The following RELL1 variants were observed in gnomAD, a reference collection of about 807,000 sequenced individuals.
The protein encoded by RELL1 is RELT-like protein 1.
A neutral mutation model predicts 23.0 loss-of-function variants in RELL1; 10 were observed. The observed-to-expected ratio is 0.43, with a 90% CI of 0.27 to 0.74. The LOEUF (loss-of-function observed/expected upper bound fraction) is 0.74, where lower values mean the gene tolerates loss of function less well. Among genes scored for constraint, RELL1 ranks in the 30% least tolerant of loss-of-function variants. The pLI, the probability that RELL1 is intolerant of heterozygous loss-of-function variation, is 0.19. For missense variants in RELL1, 315 were observed against 364.4 expected, an observed-to-expected ratio of 0.86 and a Z score of 1.10; for synonymous variants, 146 against 146.8, an observed-to-expected ratio of 0.99 and a Z score of 0.04.
intron 6 of RELL1, among the ~76,000 whole-genome samples, chr4:37,596,728 ATATATATATTTTTTTT>A (rs1718863062): frequency 1.2e-4 from 2 of 16,728 alleles, no homozygotes; most frequent in African/African-American, 1.6e-4. Flanking sequence ...ATATATATAT[ATATATATATTTTTTTT>A]TTTTTTTTTT....
chr4:37,614,762 CTGTT>C (rs775886354), intron 6 of RELL1, among the ~76,000 whole-genome samples: 28 of 152,026 alleles, frequency 1.8e-4, no homozygotes, highest in Non-Finnish European at 3.4e-4. Flanking sequence ...TGGTATTCCA[CTGTT>C]TTTATGTCTC....
intron 2 of RELL1, among the ~76,000 whole-genome samples, chr4:37,648,788 G>T (rs1463209367): frequency 2.0e-5 from 3 of 152,122 alleles, no homozygotes; most frequent in Non-Finnish European, 4.4e-5. Flanking sequence ...CCACAAACAT[G>T]GGGAGACCTA....
chr4:37,674,048 C>A (rs1213147383), intron 1 of RELL1, among the ~76,000 whole-genome samples: 2 of 152,230 alleles, frequency 1.3e-5, no homozygotes, highest in Non-Finnish European at 2.9e-5. Context: ...AAGTTTCAGG[C>A]TATGAATGAA....
Position 37,647,442 on chromosome 4 carries a change from G to T in RELL1, c.314-3C>A. ...TTCATTCACACTGTCATTCAATTCT[G>T]AAAGAGAAAAGAGGAGGGGAGAACA... On this transcript the variant is annotated splice_polypyrimidine_tract_variant and splice_region_variant and intron_variant, in intron 2 of 6. Transcript: ENST00000454158. 1.2e-6 allele frequency: 2 copies of T among 1,609,178 alleles called. No homozygotes were observed. The highest frequency in any genetic ancestry group is 1.1e-5 in the South Asian group (1 of 90,882).
intron 1 of RELL1, among the ~76,000 whole-genome samples, chr4:37,681,144 T>C (rs955783621): frequency 1.3e-5 from 2 of 152,166 alleles, no homozygotes; most frequent in African/African-American, 4.8e-5. Context: ...TTAACTCCTA[T>C]GCAACAGTAG....
chr4:37,593,514 ACT>A (rs5857575), intron 6 of RELL1, among the ~76,000 whole-genome samples: 5,494 of 152,034 alleles, frequency 0.036, 133 homozygotes, highest in Middle Eastern at 0.061. Flanking sequence ...AACCCCACTC[ACT>A]CTCTATTAAG....
At chr4:37,590,420 C>G (rs371058859), downstream of RELL1, 1 of 1,613,306 alleles carries the variant, frequency 6.2e-7, no homozygotes, top group South Asian at 1.1e-5. Context: ...GACAGGGGCT[C>G]CTGGGCCAGT....
intron 1 of RELL1, 30 bp downstream of exon 1, chr4:37,686,170 C>T (rs745677944): frequency 1.3e-6 from 2 of 1,547,688 alleles, no homozygotes; most frequent in African/African-American, 2.8e-5. Context: ...GGCTCAGCAC[C>T]CGGCGCCCCG....
chr4:37,596,897 C>A (rs577033164), intron 6 of RELL1, among the ~76,000 whole-genome samples: 1 of 150,808 alleles, frequency 6.6e-6, no homozygotes, highest in Non-Finnish European at 1.5e-5. Flanking sequence ...TACAGGCACG[C>A]GCCACCACGC....
intron 1 of RELL1, chr4:37,665,268 C>T (rs1456326709): frequency 2.2e-6 from 1 of 456,252 alleles, no homozygotes; most frequent in Non-Finnish European, 4.4e-6. Context: ...CAGAGCTGGA[C>T]AACTGATACA....
chr4:37,610,270 G>GGTAT (rs1172001035), downstream of RELL1, among the ~76,000 whole-genome samples: 3 of 152,020 alleles, frequency 2.0e-5, no homozygotes, highest in Non-Finnish European at 4.4e-5. This position sits in a 1 kb window ranked among gnomAD's most constrained non-coding sequence, Gnocchi z 4.1. Flanking sequence ...TTTAAATTAA[G>GGTAT]GTATGTATGT....
chr4:37,618,839 T>C (rs1285290592), intron 6 of RELL1, among the ~76,000 whole-genome samples: 1 of 151,910 alleles, frequency 6.6e-6, no homozygotes, highest in Admixed American at 6.6e-5. Flanking sequence ...CCCTGCACCC[T>C]CTTGATTTTT....
At chr4:37,646,740 C>CT (rs1368624903) in intron 3 of RELL1, among the ~76,000 whole-genome samples, 1 of 151,960 alleles carries the variant, frequency 6.6e-6, no homozygotes, top group African/African-American at 2.4e-5. Context: ...CTTATTATTT[C>CT]TTTTTTTGAC....
Position 37,635,019 on chromosome 4 carries a change from A to G in RELL1, c.548T>C (p.Val183Ala). The G allele has an allele frequency of 6.2e-7, 1 of 1,614,154 alleles. No individual in the cohort carries two copies. Among genetic ancestry groups the G allele is most frequent in the Non-Finnish European group, 8.5e-7 (1 of 1,180,020 alleles). ...KHVCGHHLHT[V>A]GGVVERDVCH... ...CACATCCCTCTCGACAACACCGCCC[A>G]CCGTATGCAGATGATGGCCACAGAC... Residue 183 changes from valine (V) to alanine (A), a missense_variant, in exon 5 of 7, where the codon GTG becomes GCG. Transcript: ENST00000454158.
chr4:37,657,897 T>C (rs565658219), intron 1 of RELL1, among the ~76,000 whole-genome samples: 2 of 152,082 alleles, frequency 1.3e-5, no homozygotes, highest in South Asian at 4.2e-4. Flanking sequence ...TGGGTCAGCC[T>C]GGGGGACACA....
At position 37,659,461 on chromosome 4, in the gene RELL1, T is replaced by C. The variant is rs115366130; in HGVS notation, c.89-9961A>G. Among the ~76,000 whole-genome samples the C allele has an allele frequency of 7.5e-3, 1,142 of 152,332 alleles. 12 individuals are homozygous for C. The highest frequency in any genetic ancestry group is 0.025 in the African/African-American group (1,050 of 41,552). On this transcript the variant is annotated intron_variant, in intron 1 of 6. Coordinates refer to ENST00000454158, the MANE Select transcript of RELL1 (RefSeq NM_001085400.2). ...AATGGTCAGAGGAGCCGAGACAGAATGGCGGGGAAATGGCATTTCTCACAC... is the reference window on the plus strand; with the variant it reads ...AATGGTCAGAGGAGCCGAGACAGAACGGCGGGGAAATGGCATTTCTCACAC...
chr4:37,676,416 C>T (rs1038348197), intron 1 of RELL1, among the ~76,000 whole-genome samples: 1 of 152,104 alleles, frequency 6.6e-6, no homozygotes, highest in Non-Finnish European at 1.5e-5. Flanking sequence ...GATACATATA[C>T]AATTAACAGA....
intron 6 of RELL1, among the ~76,000 whole-genome samples, chr4:37,593,997 T>C (rs955125311): frequency 2.0e-5 from 3 of 152,204 alleles, no homozygotes; most frequent in Admixed American, 6.5e-5. Context: ...TTTATATATG[T>C]ATATAATTTT....
chr4:37,619,608 C>T (rs1260634161), intron 6 of RELL1, among the ~76,000 whole-genome samples: 4 of 152,192 alleles, frequency 2.6e-5, no homozygotes, highest in Admixed American at 2.0e-4. Context: ...CTCTCTGTCA[C>T]CCAGGCTGGA....
Sources: gnomAD v4.1 joint callset for allele counts (sites outside exome capture counted in the v4.1 genomes callset) on GRCh38, gnomAD v4.1.1 for gene constraint, Gnocchi (gnomAD v3.1) non-coding constraint, MANE v1.5 for transcripts, NCBI Gene and HGNC (gene_info 2026-07-23, HGNC 2026-07-21) for gene names.